Variants in ADARB2 observed in about 807,000 individuals in gnomAD.
ADARB2 encodes inactive double-stranded RNA-specific editase B2.
A neutral mutation model predicts 62.2 loss-of-function variants in ADARB2; 25 were observed. The ratio of observed to expected loss-of-function variants is 0.40; its 90% CI spans 0.29 to 0.56. ADARB2 has a LOEUF of 0.56. ADARB2 is among the 20% of genes least tolerant of loss of function. The pLI is 0.43. For synonymous variants in ADARB2, 572 were observed against 500.8 expected, an observed-to-expected ratio of 1.14 and a Z score of -1.90; for missense variants, 1,071 against 1,077.4, an observed-to-expected ratio of 0.99 and a Z score of 0.08.
intron 1 of ADARB2, among the ~76,000 whole-genome samples, chr10:1,648,069 C>A (rs185311206): frequency 6.6e-6 from 1 of 152,180 alleles, no homozygotes; most frequent in African/African-American, 2.4e-5. Flanking sequence ...TTTAAAGCCA[C>A]ATAGACATGT....
chr10:1,577,788 C>T (rs190549120), intron 1 of ADARB2, among the ~76,000 whole-genome samples: 90 of 152,330 alleles, frequency 5.9e-4, no homozygotes, highest in African/African-American at 1.8e-3. Flanking sequence ...GGACATCAGA[C>T]GGTGACTGTA....
intron 1 of ADARB2, among the ~76,000 whole-genome samples, chr10:1,500,192 G>C (rs1204207941): frequency 6.6e-6 from 1 of 152,206 alleles, no homozygotes; most frequent in Non-Finnish European, 1.5e-5. Flanking sequence ...CAGCACGGAA[G>C]TGCCCTGTTC....
At chr10:1,407,210 C>G (rs774536823) in intron 1 of ADARB2, among the ~76,000 whole-genome samples, 103 of 152,330 alleles carry the variant, frequency 6.8e-4, no homozygotes, top group Non-Finnish European at 1.2e-3. Context: ...ATTTGCTGTT[C>G]TCGGGACAGC....
rs1468632097 is a variant in ADARB2 at position 1,217,091 on chromosome 10, C to T, written c.1542G>A (p.Lys514=). The T allele has an allele frequency of 6.2e-7, 1 of 1,605,120 alleles. No individual in the cohort carries two copies. Among genetic ancestry groups the T allele is most frequent in the Non-Finnish European group, 8.5e-7 (1 of 1,176,194 alleles). ...DLHSSKHLVR[K]FRGHLRTKIE... ...TCTTGGTGCGCAGGTGCCCGCGGAA[C>T]TTCCTGACGAGGTGTTTGCTGCTGT... The change falls in exon 7 of 10, where the codon AAG becomes AAA. Residue 514 remains lysine (K), a synonymous_variant. Coordinates refer to ENST00000381312, the MANE Select transcript of ADARB2 (RefSeq NM_018702.4).
At chr10:1,326,858 T>TGCCCAGCGCCTCCCCACG (rs1564257908) in intron 3 of ADARB2, among the ~76,000 whole-genome samples, 1 of 11,708 alleles carries the variant, frequency 8.5e-5, no homozygotes, top group African/African-American at 3.0e-4. Context: ...GCCTCCCCAC[T>TGCCCAGCGCCTCCCCACG]GCCCAGCGCC....
At chr10:1,348,492 G>C (rs189351516) in intron 3 of ADARB2, among the ~76,000 whole-genome samples, 15 of 152,254 alleles carry the variant, frequency 9.9e-5, no homozygotes, top group African/African-American at 3.4e-4. Context: ...CCCAGACTCT[G>C]TCTGGAGTGG....
At chr10:1,405,502 G>T (rs1832699836) in intron 1 of ADARB2, among the ~76,000 whole-genome samples, 1 of 151,724 alleles carries the variant, frequency 6.6e-6, no homozygotes, top group Non-Finnish European at 1.5e-5. Context: ...TGATGGTAGG[G>T]GCCTGTAATC....
chr10:1,292,997 GGAGGGAAGGAGAGAGGGAGGGGAGAGA>G (rs1564248562), intron 3 of ADARB2: 2 of 62,324 alleles, frequency 3.2e-5, no homozygotes, highest in Non-Finnish European at 7.6e-5. Context: ...AGAGGGAGAG[GGAGGGAAGGAGAGAGGGAGGGGAGAGA>G]GAGGGACACA....
intron 3 of ADARB2, among the ~76,000 whole-genome samples, chr10:1,279,337 A>G (rs936560157): frequency 1.3e-5 from 2 of 152,134 alleles, no homozygotes; most frequent in Non-Finnish European, 2.9e-5. Context: ...TGATTTTGAG[A>G]CATAGTCTCC....
intron 1 of ADARB2, among the ~76,000 whole-genome samples, chr10:1,612,084 T>C (rs7895311): frequency 0.44 from 67,188 of 151,912 alleles, 15,057 homozygotes; most frequent in East Asian, 0.63. Context: ...GGAGGGGATC[T>C]TTCCAGCTGG....
chr10:1,609,167 C>T (rs1470896961), intron 1 of ADARB2, among the ~76,000 whole-genome samples: 1 of 152,230 alleles, frequency 6.6e-6, no homozygotes, highest in Non-Finnish European at 1.5e-5. Context: ...TTCGGATTCG[C>T]TCAGCTCACA....
chr10:1,428,301 T>A (rs1830734359), intron 1 of ADARB2, among the ~76,000 whole-genome samples: 1 of 151,172 alleles, frequency 6.6e-6, no homozygotes, highest in African/African-American at 2.4e-5. Context: ...TATTTTTTTT[T>A]TTTTTGACAG....
chr10:1,346,327 C>T (rs763740391), intron 3 of ADARB2, among the ~76,000 whole-genome samples: 19 of 152,136 alleles, frequency 1.2e-4, no homozygotes, highest in African/African-American at 1.9e-4. Flanking sequence ...ATAACGAGTT[C>T]GTCTCTCACC....
chr10:1,657,001 T>TTGTGTGTGTGTG (rs58944098), intron 1 of ADARB2, among the ~76,000 whole-genome samples: 2 of 148,810 alleles, frequency 1.3e-5, no homozygotes, highest in East Asian at 2.0e-4. Flanking sequence ...ATCTAGTGTT[T>TTGTGTGTGTGTG]TGTGTGTGTG....
At chr10:1,635,440 C>T (rs1345499028) in intron 1 of ADARB2, among the ~76,000 whole-genome samples, 2 of 152,152 alleles carry the variant, frequency 1.3e-5, no homozygotes, top group African/African-American at 4.8e-5. Context: ...CAGCGCTGTG[C>T]TTGCTGAAAG....
intron 1 of ADARB2, among the ~76,000 whole-genome samples, chr10:1,728,911 T>C (rs1835198501): frequency 1.3e-5 from 2 of 152,246 alleles, no homozygotes; most frequent in Non-Finnish European, 2.9e-5. Flanking sequence ...ACATTCCTCA[T>C]GCTACTGTCT....
chr10:1,421,225 T>C (rs1422430055), intron 1 of ADARB2, among the ~76,000 whole-genome samples: 3 of 151,874 alleles, frequency 2.0e-5, no homozygotes, highest in Admixed American at 6.6e-5. Flanking sequence ...AAGCACAGCC[T>C]GTGCACCTGC....
intron 1 of ADARB2, among the ~76,000 whole-genome samples, chr10:1,479,532 G>C (rs1831442230): frequency 6.6e-6 from 1 of 152,108 alleles, no homozygotes. Context: ...GTTTCTGAGA[G>C]GAACCCAGGA....
intron 1 of ADARB2, among the ~76,000 whole-genome samples, chr10:1,506,429 G>A (rs1564311287): frequency 6.6e-6 from 1 of 152,182 alleles, no homozygotes; most frequent in Non-Finnish European, 1.5e-5. Flanking sequence ...TACGGTATTT[G>A]CATATTTGAG....
Sources: gnomAD v4.1 joint callset for allele counts (sites outside exome capture counted in the v4.1 genomes callset) on GRCh38, gnomAD v4.1.1 for gene constraint, MANE v1.5 for transcripts, NCBI Gene and HGNC (gene_info 2026-07-23, HGNC 2026-07-21) for gene names.